Variants in ZC3H12B observed in about 807,000 individuals in gnomAD.
The protein encoded by ZC3H12B is probable ribonuclease ZC3H12B.
ZC3H12B carries 7 observed loss-of-function variants against 43.9 expected under a neutral mutation model. The ratio of observed to expected loss-of-function variants is 0.16; its 90% CI spans 0.09 to 0.30. The LOEUF (loss-of-function observed/expected upper bound fraction) is 0.30. ZC3H12B is among the 10% of genes least tolerant of loss of function. The pLI is 1.00. For missense variants in ZC3H12B, 475 were observed against 670.2 expected, an observed-to-expected ratio of 0.71 and a Z score of 3.22; for synonymous variants, 222 against 241.7, an observed-to-expected ratio of 0.92 and a Z score of 0.76.
At chrX:65,055,336 G>A in the ZC3H12B span, among the ~76,000 whole-genome samples, 2 of 111,672 alleles carry the variant, frequency 1.8e-5, no homozygotes, top group Non-Finnish European at 3.8e-5. Context: ...TGCATCTATC[G>A]AGATAATCAT....
the ZC3H12B span, among the ~76,000 whole-genome samples, chrX:65,319,752 T>C: frequency 9.0e-6 from 1 of 111,600 alleles, no homozygotes; most frequent in Non-Finnish European, 1.9e-5. Flanking sequence ...ATCCCTGGGA[T>C]ACAAATTAGG....
the ZC3H12B span, among the ~76,000 whole-genome samples, chrX:65,179,160 A>G: frequency 2.5e-4 from 28 of 110,680 alleles, 1 homozygote; most frequent in Middle Eastern, 0.019. Flanking sequence ...CACAGCAACA[A>G]AAAACCAAAC....
the ZC3H12B span, among the ~76,000 whole-genome samples, chrX:65,191,488 G>T: frequency 9.8e-6 from 1 of 102,308 alleles, no homozygotes; most frequent in Non-Finnish European, 1.9e-5. Flanking sequence ...CCTGTTATTG[G>T]TCTATTCAGA....
At chrX:65,037,097 A>G in the ZC3H12B span, among the ~76,000 whole-genome samples, 1 of 110,216 alleles carries the variant, frequency 9.1e-6, no homozygotes, top group Admixed American at 9.6e-5. Flanking sequence ...ACAGCAATTT[A>G]CCAGTTGGGT....
At chrX:65,105,971 A>G in the ZC3H12B span, among the ~76,000 whole-genome samples, 6 of 111,803 alleles carry the variant, frequency 5.4e-5, no homozygotes, top group Non-Finnish European at 1.1e-4. Context: ...TATTCTTATT[A>G]TGTGCAGTGC....
At chrX:65,411,769 T>C (rs1412823936) in intron 3 of ZC3H12B, among the ~76,000 whole-genome samples, 1 of 100,257 alleles carries the variant, frequency 1.0e-5, no homozygotes, top group Non-Finnish European at 1.9e-5. Flanking sequence ...AATAGTGTAA[T>C]TGGATTGTTA....
chrX:65,164,672 G>A, the ZC3H12B span, among the ~76,000 whole-genome samples: 12 of 111,990 alleles, frequency 1.1e-4, no homozygotes, highest in African/African-American at 3.9e-4. Context: ...GCAAGGTGGA[G>A]TCAGCTATGT....
chrX:65,480,978 G>A (rs758851370), intron 3 of ZC3H12B, among the ~76,000 whole-genome samples: 4 of 111,862 alleles, frequency 3.6e-5, no homozygotes, highest in Non-Finnish European at 5.6e-5. Context: ...AATGTGGACA[G>A]TTCTTGCTTT....
At chrX:65,345,192 C>T in the ZC3H12B span, among the ~76,000 whole-genome samples, 1 of 112,135 alleles carries the variant, frequency 8.9e-6, no homozygotes, top group African/African-American at 3.2e-5. Flanking sequence ...AATCTCATTA[C>T]TGGGTATATA....
At chrX:65,260,601 TG>T in the ZC3H12B span, among the ~76,000 whole-genome samples, 2 of 112,023 alleles carry the variant, frequency 1.8e-5, no homozygotes, top group Non-Finnish European at 3.8e-5. Flanking sequence ...TAACAGATAT[TG>T]GTGAGGATGT....
At chrX:65,120,288 G>A in the ZC3H12B span, among the ~76,000 whole-genome samples, 2 of 111,956 alleles carry the variant, frequency 1.8e-5, no homozygotes, top group African/African-American at 3.2e-5. Flanking sequence ...AGCATCGAAT[G>A]TTCTTCCATT....
the ZC3H12B span, among the ~76,000 whole-genome samples, chrX:65,152,233 G>A: frequency 2.7e-5 from 3 of 111,463 alleles, no homozygotes; most frequent in Non-Finnish European, 5.6e-5. Context: ...TCTGGCCAGG[G>A]CAATTAGGCA....
the ZC3H12B span, among the ~76,000 whole-genome samples, chrX:65,108,266 TTTAAC>T: frequency 6.3e-5 from 7 of 111,574 alleles, no homozygotes; most frequent in Admixed American, 4.8e-4. Flanking sequence ...TACTATAACT[TTTAAC>T]TTCGTGAATT....
At chrX:65,041,265 C>G in the ZC3H12B span, among the ~76,000 whole-genome samples, 2 of 112,056 alleles carry the variant, frequency 1.8e-5, no homozygotes, top group Admixed American at 9.5e-5. Flanking sequence ...TCAGGCCCCA[C>G]TAACCAAGGA....
chrX:65,330,456 TGAGA>T, the ZC3H12B span, among the ~76,000 whole-genome samples: 1 of 111,286 alleles, frequency 9.0e-6, no homozygotes, highest in Non-Finnish European at 1.9e-5. Context: ...ATAGGAGTGG[TGAGA>T]GAGTGCGTCC....
chrX:65,493,763 T>A (rs2068239040), intron 1 of ZC3H12B, among the ~76,000 whole-genome samples: 1 of 111,934 alleles, frequency 8.9e-6, no homozygotes, highest in Non-Finnish European at 1.9e-5. Flanking sequence ...AGATACTCCG[T>A]GACTTGCAGG....
chrX:65,331,552 GTTTATTTATTTATTTA>G, the ZC3H12B span, among the ~76,000 whole-genome samples: 15 of 103,747 alleles, frequency 1.4e-4, no homozygotes, highest in South Asian at 4.4e-3. Context: ...TAAGTTTAAT[GTTTATTTATTTATTTA>G]TTTATTTATT....
chrX:65,156,294 A>C, the ZC3H12B span, among the ~76,000 whole-genome samples: 1 of 111,174 alleles, frequency 9.0e-6, no homozygotes, highest in Non-Finnish European at 1.9e-5. Flanking sequence ...TCAAATTCCC[A>C]GGCTAAACTG....
At chrX:65,369,913 G>A (rs1339666055) in intron 2 of ZC3H12B, among the ~76,000 whole-genome samples, 1 of 111,226 alleles carries the variant, frequency 9.0e-6, no homozygotes, top group Non-Finnish European at 1.9e-5. Flanking sequence ...AGCAATTGAA[G>A]CCTCTTCTTA....
Sources: gnomAD v4.1 joint callset for allele counts (sites outside exome capture counted in the v4.1 genomes callset) on GRCh38, gnomAD v4.1.1 for gene constraint, MANE v1.5 for transcripts, NCBI Gene and HGNC (gene_info 2026-07-23, HGNC 2026-07-21) for gene names.